LRRC56: variants seen among roughly 807,000 people sequenced by gnomAD.
LRRC56 encodes leucine rich repeat containing 56.
LRRC56 carries 41 observed loss-of-function variants against 47.8 expected under a neutral mutation model. The ratio of observed to expected loss-of-function variants is 0.86; its 90% CI spans 0.67 to 1.11. The LOEUF is 1.11. Ranked by LOEUF, LRRC56 falls within the 50% of genes most tolerant of loss-of-function variation. The pLI is 0.00. For synonymous variants in LRRC56, 387 were observed against 311.2 expected, an observed-to-expected ratio of 1.24 and a Z score of -2.56; for missense variants, 759 against 704.2, an observed-to-expected ratio of 1.08 and a Z score of -0.88.
At position 554,894 on chromosome 11, in the gene LRRC56, C is replaced by T; in HGVS notation, c.*618C>T. 2 of 966,520 alleles carry T rather than the reference C, an allele frequency of 2.1e-6. No homozygotes were observed. The highest frequency in any genetic ancestry group is 1.7e-5 in the African/African-American group (1 of 57,406). 59.9% of individuals were successfully genotyped at this position (966,520 alleles called of 1,614,324 possible). On this transcript the variant is annotated 3_prime_UTR_variant, in exon 14 of 14. Transcript: ENST00000270115. The stretch of plus-strand genomic sequence containing the variant: ...GTTTACTTTGTAGGCCACGTTGGTT[C>T]AATAAATGATGCAGCGGACACAGCC...
the LRRC56 span, among the ~76,000 whole-genome samples, chr11:522,490 T>A: frequency 6.6e-6 from 1 of 152,248 alleles, no homozygotes; most frequent in South Asian, 2.1e-4. Flanking sequence ...ATACTCTCGA[T>A]CTCCTGACCT....
the LRRC56 span, among the ~76,000 whole-genome samples, chr11:513,948 A>G: frequency 6.6e-6 from 1 of 152,106 alleles, no homozygotes; most frequent in Non-Finnish European, 1.5e-5. Context: ...CTCAAGCCTC[A>G]GGTGATTGCT....
chr11:552,713 T>C lies in LRRC56; in HGVS notation c.1315+11T>C, dbSNP rs777923110. 6.3e-7 allele frequency: 1 copy of C among 1,587,694 alleles called. No homozygotes were observed. The highest frequency in any genetic ancestry group is 8.6e-7 in the Non-Finnish European group (1 of 1,166,604). ...CAAGCCTGGCCTCAGGTACTGAGCC[T>C]GCCCGCCTGCCCCCCAGTGCCTGGG... On this transcript the variant is annotated intron_variant, in intron 13 of 13. Transcript: ENST00000270115.
intron 8 of LRRC56, 49 bp from the exon 9 acceptor site, chr11:551,082 A>C (rs1852356971): frequency 1.8e-6 from 2 of 1,105,172 alleles, no homozygotes; most frequent in Middle Eastern, 3.1e-4. Flanking sequence ...GCCGGAAGGA[A>C]ACACTGGACC....
At chr11:534,332 G>A (rs41294870), upstream of LRRC56, 73,585 of 1,607,530 alleles carry the variant, frequency 0.046, 1,960 homozygotes, top group South Asian at 0.067. Flanking sequence ...TCGCTCCTCA[G>A]GGGCCTGCGG....
chr11:553,865 C>T (rs936343953), intron 13 of LRRC56, 98 bp from the exon 14 acceptor site: 15 of 1,067,824 alleles, frequency 1.4e-5, no homozygotes, highest in African/African-American at 3.2e-5. Flanking sequence ...ACCACTGCCT[C>T]GGGGCTGCAG....
upstream of LRRC56, chr11:533,660 G>A (rs372806727): frequency 3.1e-5 from 50 of 1,612,410 alleles, no homozygotes; most frequent in East Asian, 6.7e-5. Context: ...CAGGCGCAGC[G>A]GCATCCAGGA....
intron 5 of LRRC56, among the ~76,000 whole-genome samples, chr11:542,713 T>C (rs897832705): frequency 1.3e-5 from 2 of 152,124 alleles, no homozygotes; most frequent in Non-Finnish European, 2.9e-5. Flanking sequence ...ACTGTTCTTT[T>C]TCCTGAACTA....
chr11:542,365 C>T (rs918440692), intron 5 of LRRC56, among the ~76,000 whole-genome samples: 7 of 152,216 alleles, frequency 4.6e-5, no homozygotes, highest in Middle Eastern at 3.4e-3. Context: ...AATCCCAGCA[C>T]CGTGGGAGTC....
At chr11:542,759 T>G (rs983996756) in intron 5 of LRRC56, among the ~76,000 whole-genome samples, 2 of 152,108 alleles carry the variant, frequency 1.3e-5, no homozygotes, top group African/African-American at 4.8e-5. Context: ...CTTTATCTAC[T>G]GACACTTCAG....
At chr11:517,530 C>T in the LRRC56 span, among the ~76,000 whole-genome samples, 12 of 151,618 alleles carry the variant, frequency 7.9e-5, no homozygotes, top group African/African-American at 2.9e-4. Context: ...TGCCCGACTG[C>T]CCCGTCTGGG....
At chr11:553,175 G>C (rs955128417) in intron 13 of LRRC56, among the ~76,000 whole-genome samples, 6 of 152,190 alleles carry the variant, frequency 3.9e-5, no homozygotes, top group Non-Finnish European at 8.8e-5. Context: ...ACGCGCACTT[G>C]GGGACATAGA....
chr11:532,098 A>G, the LRRC56 span: 2 of 210,694 alleles, frequency 9.5e-6, no homozygotes. Flanking sequence ...AGAGAGCACC[A>G]CAGCCCAGAC....
chr11:513,581 T>A, the LRRC56 span, among the ~76,000 whole-genome samples: 1 of 152,004 alleles, frequency 6.6e-6, no homozygotes, highest in Non-Finnish European at 1.5e-5. Context: ...TTCGAGAGGA[T>A]TTTCCAGTTG....
At chr11:507,802 G>C in the LRRC56 span, among the ~76,000 whole-genome samples, 1 of 152,228 alleles carries the variant, frequency 6.6e-6, no homozygotes, top group South Asian at 2.1e-4. Context: ...CGTGAACCAC[G>C]CTGCCCGTCC....
At chr11:518,622 C>T in the LRRC56 span, among the ~76,000 whole-genome samples, 2 of 152,226 alleles carry the variant, frequency 1.3e-5, no homozygotes, top group Admixed American at 6.5e-5. Flanking sequence ...CCTGCCCGGC[C>T]GCCTGTTCAC....
upstream of LRRC56, chr11:534,044 C>CT (rs45438795): frequency 2.7e-4 from 372 of 1,368,066 alleles, no homozygotes; most frequent in African/African-American, 4.9e-3. Flanking sequence ...CTCATGCCCC[C>CT]TCCTCTCCTG....
the LRRC56 span, among the ~76,000 whole-genome samples, chr11:517,240 C>T: frequency 2.0e-5 from 3 of 152,256 alleles, no homozygotes; most frequent in Non-Finnish European, 2.9e-5. Flanking sequence ...TCCCAAAGTG[C>T]TAAGATTACA....
the LRRC56 span, among the ~76,000 whole-genome samples, chr11:514,989 G>A: frequency 6.6e-6 from 1 of 152,230 alleles, no homozygotes; most frequent in Non-Finnish European, 1.5e-5. Context: ...TGTCACCACT[G>A]CCTGGCTGAA....
Sources: gnomAD v4.1 joint callset for allele counts (sites outside exome capture counted in the v4.1 genomes callset) on GRCh38, gnomAD v4.1.1 for gene constraint, MANE v1.5 for transcripts, NCBI Gene and HGNC (gene_info 2026-07-23, HGNC 2026-07-21) for gene names.